SKI: variants seen among roughly 807,000 people sequenced by gnomAD.
The protein encoded by SKI is ski oncogene.
A neutral mutation model predicts 59.3 loss-of-function variants in SKI; 23 were observed. That is an observed-to-expected ratio of 0.39 (90% CI 0.28 to 0.55). The LOEUF (loss-of-function observed/expected upper bound fraction) is 0.55, where lower values mean the gene tolerates loss of function less well. Ranked by LOEUF, SKI falls within the 20% of genes least tolerant of loss-of-function variation. SKI has a pLI of 0.67. For synonymous variants in SKI, 673 were observed against 488.6 expected, an observed-to-expected ratio of 1.38 and a Z score of -4.98; for missense variants, 1,017 against 1,038.9, an observed-to-expected ratio of 0.98 and a Z score of 0.29.
chr1:2,301,086 C>T (rs78849723), intron 1 of SKI, among the ~76,000 whole-genome samples: 206 of 152,310 alleles, frequency 1.4e-3, no homozygotes, highest in African/African-American at 4.5e-3. Context: ...GCCGAATTTC[C>T]GCGCCCGCTT....
chr1:2,243,026 C>T (rs1030353485), intron 1 of SKI, among the ~76,000 whole-genome samples: 1 of 152,240 alleles, frequency 6.6e-6, no homozygotes, highest in African/African-American at 2.4e-5. Flanking sequence ...CAGAGTTGTT[C>T]TTGGTTTGTC....
intron 1 of SKI, among the ~76,000 whole-genome samples, chr1:2,271,524 G>T (rs959819808): frequency 6.6e-6 from 1 of 152,136 alleles, no homozygotes; most frequent in South Asian, 2.1e-4. Context: ...CAGGTTCCGC[G>T]GAGTGCCCGG....
intron 1 of SKI, among the ~76,000 whole-genome samples, chr1:2,276,464 C>T (rs574716564): frequency 1.3e-5 from 2 of 152,344 alleles, no homozygotes; most frequent in South Asian, 4.1e-4. Flanking sequence ...GCTTCTGTGG[C>T]CCTGGGATTG....
intron 1 of SKI, among the ~76,000 whole-genome samples, chr1:2,275,657 C>T (rs1163577354): frequency 4.6e-5 from 7 of 152,192 alleles, no homozygotes; most frequent in Non-Finnish European, 1.0e-4. Context: ...GGACTACAGG[C>T]GTGTGCCATC....
intron 1 of SKI, among the ~76,000 whole-genome samples, chr1:2,243,043 G>A (rs1247195227): frequency 6.6e-6 from 1 of 152,264 alleles, no homozygotes; most frequent in African/African-American, 2.4e-5. Flanking sequence ...TGTCACAAGG[G>A]CGTGTGAACG....
chr1:2,295,024 G>A (rs1233235775), intron 1 of SKI, among the ~76,000 whole-genome samples: 1 of 152,250 alleles, frequency 6.6e-6, no homozygotes, highest in East Asian at 1.9e-4. Context: ...CAGGCCCCTG[G>A]CTCAGATGGA....
intron 1 of SKI, among the ~76,000 whole-genome samples, chr1:2,276,070 A>T (rs910219676): frequency 2.0e-5 from 3 of 152,176 alleles, no homozygotes; most frequent in Admixed American, 2.0e-4. Flanking sequence ...TCTTTGGTTC[A>T]CACTGAGCAA....
At chr1:2,296,126 C>T (rs917988647) in intron 1 of SKI, among the ~76,000 whole-genome samples, 3 of 152,036 alleles carry the variant, frequency 2.0e-5, no homozygotes, top group African/African-American at 7.3e-5. Context: ...TGCCTGTAGT[C>T]CCAGCAATTT....
chr1:2,243,693 A>C (rs1452261040), intron 1 of SKI, among the ~76,000 whole-genome samples: 1 of 152,202 alleles, frequency 6.6e-6, no homozygotes, highest in African/African-American at 2.4e-5. Context: ...TGTTGGCTGT[A>C]AACGAGTTCT....
At chr1:2,272,146 C>G (rs1302648491) in intron 1 of SKI, among the ~76,000 whole-genome samples, 1 of 152,232 alleles carries the variant, frequency 6.6e-6, no homozygotes, top group African/African-American at 2.4e-5. Context: ...ATTGCTGTCT[C>G]TTACGTTCTC....
intron 1 of SKI, among the ~76,000 whole-genome samples, chr1:2,299,094 A>T (rs977142704): frequency 6.6e-6 from 1 of 152,108 alleles, no homozygotes; most frequent in African/African-American, 2.4e-5. Flanking sequence ...GCTGACTCAG[A>T]CCCCAGTGTT....
chr1:2,297,020 G>A (rs1426513844), intron 1 of SKI, among the ~76,000 whole-genome samples: 3 of 152,030 alleles, frequency 2.0e-5, no homozygotes, highest in Non-Finnish European at 4.4e-5. Context: ...TGAAAATACT[G>A]AATGGAGGTG....
At chr1:2,299,377 G>A (rs908527329) in intron 1 of SKI, among the ~76,000 whole-genome samples, 8 of 152,152 alleles carry the variant, frequency 5.3e-5, no homozygotes, top group East Asian at 3.9e-4. Context: ...CCGGGCTCTC[G>A]GTGCCCTGGG....
chr1:2,254,906 C>T (rs1557822807), intron 1 of SKI, among the ~76,000 whole-genome samples: 1 of 152,176 alleles, frequency 6.6e-6, no homozygotes, highest in Non-Finnish European at 1.5e-5. Flanking sequence ...CTTCTTTCCT[C>T]CAAATGCCTG....
intron 1 of SKI, among the ~76,000 whole-genome samples, chr1:2,236,435 C>T (rs527279810): frequency 1.3e-5 from 2 of 151,998 alleles, no homozygotes; most frequent in Admixed American, 6.6e-5. Flanking sequence ...GAGATGGAGT[C>T]TTGCTCTGTT....
At chr1:2,232,989 A>G (rs577974220) in intron 1 of SKI, among the ~76,000 whole-genome samples, 2 of 151,906 alleles carry the variant, frequency 1.3e-5, no homozygotes, top group East Asian at 1.9e-4. Flanking sequence ...GTAGGACTCC[A>G]TTGGACTACA....
intron 1 of SKI, among the ~76,000 whole-genome samples, chr1:2,254,807 C>T (rs1047983660): frequency 4.6e-5 from 7 of 152,312 alleles, no homozygotes; most frequent in Non-Finnish European, 8.8e-5. Flanking sequence ...GCACCTGAGG[C>T]GTGCAGCCCC....
chr1:2,268,425 G>A lies in SKI; in HGVS notation c.970-34553G>A. Among the ~76,000 whole-genome samples, 1 of 152,310 alleles carries A rather than the reference G, an allele frequency of 6.6e-6. No individual in the cohort carries two copies. The highest frequency in any genetic ancestry group is 1.9e-4 in the East Asian group (1 of 5,180). On this transcript the variant is annotated intron_variant, in intron 1 of 6. Coordinates refer to ENST00000378536, the MANE Select transcript of SKI (RefSeq NM_003036.4). This position sits in a 1 kb window ranked among gnomAD's most constrained non-coding sequence, Gnocchi z 5.0. The stretch of plus-strand genomic sequence containing the variant: ...GCAGGCTCTGCGTGGCGCTGATGGA[G>A]GGCCTCTTGTTAAGGGGGCACGGTA...
At chr1:2,258,031 C>T (rs1479020000) in intron 1 of SKI, among the ~76,000 whole-genome samples, 1 of 152,218 alleles carries the variant, frequency 6.6e-6, no homozygotes, top group Non-Finnish European at 1.5e-5. Context: ...ATCCACTGTG[C>T]CCAGCCTGCA....
Sources: allele counts gnomAD v4.1 joint callset (sites outside exome capture counted in the v4.1 genomes callset), GRCh38; gene constraint gnomAD v4.1.1; non-coding constraint Gnocchi (gnomAD v3.1); transcripts MANE v1.5; gene names NCBI Gene and HGNC (gene_info 2026-07-23, HGNC 2026-07-21).